The following CRYAB variants were observed in gnomAD, a reference collection of about 807,000 sequenced individuals.
CRYAB encodes alpha-crystallin B chain.
A neutral mutation model predicts 12.7 loss-of-function variants in CRYAB; 9 were observed. That is an observed-to-expected ratio of 0.71 (90% CI 0.43 to 1.24). The LOEUF is 1.24. Ranked by LOEUF, CRYAB falls within the 50% of genes most tolerant of loss-of-function variation. The pLI is 0.00. For missense variants in CRYAB, 183 were observed against 226.6 expected (o/e 0.81, Z 1.24); for synonymous variants, 93 against 86.8 (o/e 1.07, Z -0.40).
chr11:111,921,147 T>C (rs1965691805), intron 1 of CRYAB, among the ~76,000 whole-genome samples: 1 of 152,244 alleles, frequency 6.6e-6, no homozygotes, highest in Non-Finnish European at 1.5e-5. Flanking sequence ...TATATTTAGA[T>C]AGACAAGTGA....
intron 2 of CRYAB, chr11:111,909,884 C>G (rs1555165351): frequency 2.1e-6 from 1 of 471,986 alleles, no homozygotes; most frequent in Non-Finnish European, 3.8e-6. Flanking sequence ...TCAACCTTGA[C>G]TGTAGATTAG....
At chr11:111,920,328 G>A (rs587693723) in intron 1 of CRYAB, among the ~76,000 whole-genome samples, 107 of 152,172 alleles carry the variant, frequency 7.0e-4, no homozygotes, top group Non-Finnish European at 7.1e-4. Context: ...TTGAGGCCAG[G>A]AGTTCAAGAC....
chr11:111,921,723 G>A (rs1224439395), intron 1 of CRYAB, among the ~76,000 whole-genome samples: 1 of 152,080 alleles, frequency 6.6e-6, no homozygotes. Context: ...GTCATTAGTG[G>A]TCAACTTTTA....
intron 1 of CRYAB, chr11:111,919,046 T>C (rs782302504): frequency 3.1e-6 from 5 of 1,611,906 alleles, no homozygotes; most frequent in Admixed American, 1.7e-5. Context: ...CTATCTCTGT[T>C]GGTGGATGTA....
At chr11:111,919,776 T>C (rs587768059) in intron 1 of CRYAB, among the ~76,000 whole-genome samples, 2 of 152,322 alleles carry the variant, frequency 1.3e-5, no homozygotes, top group African/African-American at 4.8e-5. Context: ...TAAGGTCACA[T>C]GGCTGGTAAG....
chr11:111,914,260 T>A (rs1469780182), upstream of CRYAB, among the ~76,000 whole-genome samples: 1 of 152,128 alleles, frequency 6.6e-6, no homozygotes, highest in Admixed American at 6.6e-5. Flanking sequence ...TGACTCTGGC[T>A]CCAGATCAAA....
intron 1 of CRYAB, among the ~76,000 whole-genome samples, chr11:111,921,407 G>A (rs868958459): frequency 2.6e-5 from 4 of 152,168 alleles, no homozygotes; most frequent in Non-Finnish European, 4.4e-5. Context: ...TGGGAAATAC[G>A]TAGCCACTTC....
Position 111,911,515 on chromosome 11 carries a change from G to C in CRYAB, c.201+9C>G. 1 of 1,605,446 alleles carries C rather than the reference G, an allele frequency of 6.2e-7. No individual in the cohort carries two copies. The highest frequency in any genetic ancestry group is 8.5e-7 in the Non-Finnish European group (1 of 1,176,552). ...AGGACTCTCCCGTCCTAGCTGTGGG[G>C]AGACTCACCTCTGAGAGTCCAGTGT... On this transcript the variant is annotated intron_variant, in intron 1 of 2. Coordinates refer to ENST00000650687, the MANE Select transcript of CRYAB (RefSeq NM_001289808.2).
chr11:111,915,879 A>G (rs1965590284), upstream of CRYAB, among the ~76,000 whole-genome samples: 1 of 151,834 alleles, frequency 6.6e-6, no homozygotes, highest in Non-Finnish European at 1.5e-5. Context: ...AGTAGCTGGG[A>G]CTACAGGTGT....
chr11:111,913,307 C>T, upstream of CRYAB: 3 of 705,816 alleles, frequency 4.3e-6, no homozygotes, highest in Admixed American at 2.3e-5. Flanking sequence ...TACAGTGTGG[C>T]CTCCCTCCCG....
chr11:111,923,740 T>C (rs782786199), upstream of CRYAB: 2 of 152,274 alleles, frequency 1.3e-5, no homozygotes, highest in African/African-American at 4.8e-5. Context: ...CAAAGTTCTC[T>C]AAAGGATGTT....
chr11:111,911,906 AC>A, upstream of CRYAB: 1 of 604,766 alleles, frequency 1.7e-6, no homozygotes, highest in Middle Eastern at 4.4e-4. Flanking sequence ...TGTGACACAT[AC>A]CCAGTACTCA....
chr11:111,913,559 G>A (rs1054895107), upstream of CRYAB: 3 of 1,614,174 alleles, frequency 1.9e-6, no homozygotes, highest in Admixed American at 5.0e-5. Flanking sequence ...GGCTCAGTGA[G>A]GGCAAGTTCC....
chr11:111,915,725 C>T (rs974269218), upstream of CRYAB, among the ~76,000 whole-genome samples: 1 of 152,140 alleles, frequency 6.6e-6, no homozygotes, highest in Non-Finnish European at 1.5e-5. Flanking sequence ...TAGAACTTCT[C>T]ACGGTAGTCG....
upstream of CRYAB, among the ~76,000 whole-genome samples, chr11:111,914,870 G>GT (rs1309771944): frequency 5.9e-5 from 9 of 152,248 alleles, no homozygotes; most frequent in Middle Eastern, 6.8e-3. Flanking sequence ...GAGCCCAAGA[G>GT]TAAGAGACCA....
At chr11:111,916,056 T>C (rs1348121808), upstream of CRYAB, among the ~76,000 whole-genome samples, 1 of 152,130 alleles carries the variant, frequency 6.6e-6, no homozygotes, top group Admixed American at 6.5e-5. Context: ...ATTTTCTTTT[T>C]GGTCTTAACT....
At chr11:111,920,142 C>T (rs1965667550) in intron 1 of CRYAB, among the ~76,000 whole-genome samples, 1 of 151,946 alleles carries the variant, frequency 6.6e-6, no homozygotes, top group Non-Finnish European at 1.5e-5. Flanking sequence ...TTGCAGTGAG[C>T]CGAGATTGCA....
upstream of CRYAB, among the ~76,000 whole-genome samples, chr11:111,917,733 C>T (rs1234020646): frequency 6.6e-6 from 1 of 150,840 alleles, no homozygotes; most frequent in African/African-American, 2.4e-5. Context: ...GTAGTCCCAG[C>T]TACTCGAGAG....
At chr11:111,913,402 C>A, upstream of CRYAB, 1 of 1,504,984 alleles carries the variant, frequency 6.6e-7, no homozygotes, top group Non-Finnish European at 9.1e-7. Context: ...CAGCCTCATC[C>A]TCCCTCATCC....
Sources: gnomAD v4.1 joint callset for allele counts (sites outside exome capture counted in the v4.1 genomes callset) on GRCh38, gnomAD v4.1.1 for gene constraint, MANE v1.5 for transcripts, NCBI Gene and HGNC (gene_info 2026-07-23, HGNC 2026-07-21) for gene names.